NGEF: variants seen among roughly 807,000 people sequenced by gnomAD.
NGEF encodes neuronal guanine nucleotide exchange factor, also known as ephexin-1.
In NGEF, 31 loss-of-function variants were observed where a neutral mutation model predicts 80.9. That is an observed-to-expected ratio of 0.38 (90% CI 0.29 to 0.52). The LOEUF (loss-of-function observed/expected upper bound fraction) is 0.52. Among genes scored for constraint, NGEF ranks in the 20% least tolerant of loss-of-function variants. NGEF has a pLI of 0.84. For missense variants in NGEF, 709 were observed against 926.2 expected, an observed-to-expected ratio of 0.77 and a Z score of 3.04; for synonymous variants, 371 against 370.2, an observed-to-expected ratio of 1.00 and a Z score of -0.03.
intron 5 of NGEF, among the ~76,000 whole-genome samples, chr2:232,909,767 C>T (rs984873302): frequency 1.3e-5 from 2 of 152,318 alleles, no homozygotes; most frequent in Non-Finnish European, 2.9e-5. Context: ...TCTTGCCATG[C>T]TCCCCGCATC....
chr2:232,935,832 C>CT (rs147542864), intron 3 of NGEF, among the ~76,000 whole-genome samples: 38,660 of 151,968 alleles, frequency 0.25, 5,266 homozygotes, highest in Non-Finnish European at 0.31. Flanking sequence ...ATTGAATTTT[C>CT]TTTTTTTCTT....
At chr2:232,913,703 G>A (rs1692736282) in intron 5 of NGEF, among the ~76,000 whole-genome samples, 1 of 152,078 alleles carries the variant, frequency 6.6e-6, no homozygotes, top group African/African-American at 2.4e-5. Context: ...AGGTGATCAC[G>A]AGATCAGGAG....
chr2:232,955,226 G>C (rs116454694), intron 3 of NGEF, among the ~76,000 whole-genome samples: 2 of 152,142 alleles, frequency 1.3e-5, no homozygotes, highest in Non-Finnish European at 2.9e-5. Flanking sequence ...TTCCTGAGCC[G>C]TTGGAGGGTC....
intron 5 of NGEF, among the ~76,000 whole-genome samples, chr2:232,900,758 A>T (rs986614863): frequency 8.5e-5 from 4 of 47,210 alleles, no homozygotes; most frequent in Non-Finnish European, 1.5e-4. Context: ...ACATTCACTC[A>T]CACACACACG....
intron 6 of NGEF, 44 bp from the exon 7 acceptor site, chr2:232,893,094 G>A (rs373610522): frequency 6.3e-7 from 1 of 1,588,838 alleles, no homozygotes; most frequent in African/African-American, 1.3e-5. Flanking sequence ...CCGGGGGGTA[G>A]GGTGGGGAAT....
Position 232,888,072 on chromosome 2 carries a change from C to T in NGEF, c.1308G>A (p.Arg436=). ...ILKRVEERSE[R]ECTALDAHKE... ...TGTGAGCATCCAAAGCAGTGCACTC[C>T]CGCTCAGACCTCTCTTCTACCCTCT... Residue 436 remains arginine, a synonymous_variant, in exon 9 of 15, where the codon CGG becomes CGA. Coordinates refer to ENST00000264051, the MANE Select transcript of NGEF (RefSeq NM_019850.3). 6.2e-7 allele frequency: 1 copy of T among 1,613,106 alleles called. No homozygotes were observed. The highest frequency in any genetic ancestry group is 8.5e-7 in the Non-Finnish European group (1 of 1,179,720).
intron 1 of NGEF, among the ~76,000 whole-genome samples, chr2:232,990,697 A>G (rs750078538): frequency 6.6e-6 from 1 of 152,122 alleles, no homozygotes; most frequent in Non-Finnish European, 1.5e-5. Flanking sequence ...ATAAATTCTT[A>G]TCTCTAAAAA....
chr2:232,943,126 C>T (rs894667821), intron 3 of NGEF, among the ~76,000 whole-genome samples: 5 of 151,860 alleles, frequency 3.3e-5, no homozygotes, highest in Admixed American at 1.3e-4. Context: ...TTAGCTTTGG[C>T]TAAAAAGATA....
At chr2:232,958,853 G>A (rs1042787101) in intron 3 of NGEF, among the ~76,000 whole-genome samples, 1 of 151,890 alleles carries the variant, frequency 6.6e-6, no homozygotes, top group East Asian at 1.9e-4. Flanking sequence ...CTCATCTCAC[G>A]GCCAGTCTTT....
intron 1 of NGEF, among the ~76,000 whole-genome samples, chr2:232,997,029 T>C (rs915769807): frequency 2.6e-5 from 4 of 152,156 alleles, no homozygotes; most frequent in African/African-American, 9.7e-5. Flanking sequence ...ATTCTGAACG[T>C]TCTCTCTTGT....
Position 232,975,884 on chromosome 2 carries a change from C to A in NGEF, c.-74-920G>T, listed in dbSNP as rs117337164. Among the ~76,000 whole-genome samples the A allele has an allele frequency of 1.2e-4, 18 of 152,188 alleles. No homozygotes were observed. The East Asian group carries it at 2.7e-3, about 23-fold the overall frequency. On this transcript the variant is annotated intron_variant, in intron 1 of 14. Coordinates refer to ENST00000264051, the MANE Select transcript of NGEF (RefSeq NM_019850.3). ...GAGCATATACATTTTTCTGGCCTAT[C>A]GGTCCAGAGATTCCATCATACCTTC...
chr2:232,896,686 A>G (rs904195169), intron 5 of NGEF, among the ~76,000 whole-genome samples: 371 of 3,600 alleles, frequency 0.1, no homozygotes, highest in Middle Eastern at 0.33. Flanking sequence ...GGGGGTAGGG[A>G]TGGGGGTGGG....
intron 3 of NGEF, among the ~76,000 whole-genome samples, chr2:232,951,731 C>G (rs1433517725): frequency 1.3e-5 from 2 of 152,182 alleles, no homozygotes; most frequent in African/African-American, 2.4e-5. Flanking sequence ...AAACCCCTCC[C>G]CATTCCTCCT....
chr2:232,894,859 C>A lies in NGEF; in HGVS notation c.886G>T (p.Val296Leu). Residue 296 changes from valine to leucine, a missense_variant, in exon 6 of 15, where the codon GTG becomes TTG. This residue lies in a region of NGEF where 426 missense variants were observed against 622.9 expected (regional missense o/e 0.68). Transcript: ENST00000264051. Reference sequence around the variant, plus strand: ...CGCTCGTTCTCCATGAAGTGGGACACGAGCAGGTTCAGACTCTTGTAGTAG... The same window carrying A: ...CGCTCGTTCTCCATGAAGTGGGACAAGAGCAGGTTCAGACTCTTGTAGTAG... Reference protein sequence around the residue: ...ASYYKSLNLLVSHFMENERIR... With the variant: ...ASYYKSLNLLLSHFMENERIR... 6.2e-7 allele frequency: 1 copy of A among 1,610,832 alleles called. No homozygotes were observed. The highest frequency in any genetic ancestry group is 2.2e-5 in the East Asian group (1 of 44,836).
At chr2:232,959,116 T>C (rs374517567) in intron 3 of NGEF, among the ~76,000 whole-genome samples, 2 of 152,238 alleles carry the variant, frequency 1.3e-5, no homozygotes, top group African/African-American at 4.8e-5. Context: ...AGAGTCTGTA[T>C]AATGCAATCC....
chr2:232,982,733 C>T (rs970887876), intron 1 of NGEF, among the ~76,000 whole-genome samples: 7 of 152,196 alleles, frequency 4.6e-5, no homozygotes, highest in South Asian at 2.1e-4. Context: ...AGGCTGGTCT[C>T]GAACTCCTGA....
intron 5 of NGEF, among the ~76,000 whole-genome samples, chr2:232,903,305 G>A (rs1410932023): frequency 6.6e-6 from 1 of 152,186 alleles, no homozygotes; most frequent in Non-Finnish European, 1.5e-5. Context: ...AACAGGGACA[G>A]GTTAAATACA....
intron 3 of NGEF, among the ~76,000 whole-genome samples, chr2:232,967,620 G>A (rs1516696): frequency 0.78 from 118,144 of 151,960 alleles, 46,252 homozygotes; most frequent in African/African-American, 0.85. Flanking sequence ...TTTCTTGTAA[G>A]TTACCCAGCC....
rs556114895 is a variant in NGEF, at chr2:232,951,049, G to A, written c.383+19165C>T. 4.1e-4 allele frequency among the ~76,000 whole-genome samples: 63 copies of A among 152,280 alleles called. No individual in the cohort carries two copies. In the South Asian group the frequency reaches 5.0e-3, roughly 12 times the overall value. On this transcript the variant is annotated intron_variant, in intron 3 of 14. Coordinates refer to ENST00000264051, the MANE Select transcript of NGEF (RefSeq NM_019850.3). ...TGCGGCTGGCTGTTCCTGACTTGAA[G>A]CAATCAGTGGGCTGCCTTAGAGGCC...
Sources: gnomAD v4.1 joint callset for allele counts (sites outside exome capture counted in the v4.1 genomes callset) on GRCh38, gnomAD v4.1.1 for gene constraint, gnomAD v4.1.1 regional missense constraint, MANE v1.5 for transcripts, NCBI Gene and HGNC (gene_info 2026-07-23, HGNC 2026-07-21) for gene names.